FNIP1: variants seen among roughly 807,000 people sequenced by gnomAD.
FNIP1 encodes folliculin-interacting protein 1.
FNIP1 carries 40 observed loss-of-function variants against 124.5 expected under a neutral mutation model. The ratio of observed to expected loss-of-function variants is 0.32; its 90% CI spans 0.25 to 0.42. The LOEUF is 0.42. FNIP1 is among the 10% of genes least tolerant of loss of function. The pLI is 1.00. For missense variants in FNIP1, 1,176 were observed against 1,403.7 expected, an observed-to-expected ratio of 0.84 and a Z score of 2.59; for synonymous variants, 472 against 470.6, an observed-to-expected ratio of 1.00 and a Z score of -0.04.
At chr5:131,711,709 T>C (rs2149537418) in intron 6 of FNIP1, among the ~76,000 whole-genome samples, 1 of 152,332 alleles carries the variant, frequency 6.6e-6, no homozygotes, top group Non-Finnish European at 1.5e-5. Context: ...ATTGCCAAGT[T>C]GATCTCAAAT....
At chr5:131,745,338 GT>G (rs1222375596) in intron 1 of FNIP1, among the ~76,000 whole-genome samples, 9 of 152,170 alleles carry the variant, frequency 5.9e-5, no homozygotes, top group African/African-American at 2.2e-4. Flanking sequence ...GGACAACATA[GT>G]GAGACCCTGT....
chr5:131,690,357 C>T (rs1473984253), intron 11 of FNIP1, among the ~76,000 whole-genome samples: 1 of 152,190 alleles, frequency 6.6e-6, no homozygotes, highest in East Asian at 1.9e-4. Flanking sequence ...ACCCAAATCT[C>T]ATCTTGAATT....
Position 131,672,179 on chromosome 5 carries a change from A to T in FNIP1, c.2265T>A (p.Ile755=), listed in dbSNP as rs1279730311. The T allele has an allele frequency of 6.2e-7, 1 of 1,614,214 alleles. No individual in the cohort carries two copies. Among genetic ancestry groups the T allele is most frequent in the South Asian group, 1.1e-5 (1 of 91,086 alleles). The stretch of plus-strand genomic sequence containing the variant: ...CTGAATCAGGTGACATAGAATCCCC[A>T]ATCAGGAAAGTAACCTTTGTCTGGG... The part of the protein sequence containing the change: ...EAAQTKVTFL[I]GDSMSPDSDT... The change falls in exon 14 of 18, where the codon ATT becomes ATA. Residue 755 remains isoleucine (I), a synonymous_variant. Coordinates refer to ENST00000510461, the MANE Select transcript of FNIP1 (RefSeq NM_133372.3).
chr5:131,676,811 G>C (rs1001385111), intron 13 of FNIP1, among the ~76,000 whole-genome samples: 8 of 152,128 alleles, frequency 5.3e-5, no homozygotes, highest in African/African-American at 9.7e-5. Flanking sequence ...GGAAGGGAAT[G>C]GGGGAGGGAA....
chr5:131,643,459 C>T lies in FNIP1; in HGVS notation c.*1226G>A, dbSNP rs1446448525. ...AAAGAATAAACTATAATGTAGTACT[C>T]AAGTAAACTGAGGTAGTAGAAAGTA... On this transcript the variant is annotated 3_prime_UTR_variant, in exon 18 of 18. Transcript: ENST00000510461. 1 of 152,654 alleles carries T rather than the reference C, an allele frequency of 6.6e-6. No homozygotes were observed. The highest frequency in any genetic ancestry group is 2.4e-5 in the African/African-American group (1 of 41,420). The allele number at this position is 152,654 out of a possible 1,614,324, so 9.5% of individuals were successfully genotyped here.
chr5:131,685,448 C>CTTT lies in FNIP1; in HGVS notation c.1203-6276_1203-6274dup, dbSNP rs368323566. Among the ~76,000 whole-genome samples, 66 of 126,040 alleles carry CTTT rather than the reference C, an allele frequency of 5.2e-4. 1 individual carries two copies. The highest frequency in any genetic ancestry group is 9.1e-4 in the East Asian group (4 of 4,378). The allele number at this position is 126,040 out of a possible 152,430, so 82.7% of individuals were successfully genotyped here. A position where few individuals can be genotyped will look rare whatever the true frequency, so the allele number is the denominator to read the frequency against. ...CAGGGGAAGCAAAACCCTTAAGAATCTTTTTTTTTTTTTTTTTTGAGATGG... is the reference window on the plus strand; with the variant it reads ...CAGGGGAAGCAAAACCCTTAAGAATCTTTTTTTTTTTTTTTTTTTTTGAGATGG... On this transcript the variant is annotated intron_variant, in intron 11 of 17. Coordinates refer to ENST00000510461, the MANE Select transcript of FNIP1 (RefSeq NM_133372.3).
At chr5:131,667,316 T>C (rs1470125910) in intron 15 of FNIP1, among the ~76,000 whole-genome samples, 4 of 152,236 alleles carry the variant, frequency 2.6e-5, no homozygotes, top group African/African-American at 9.6e-5. Context: ...AATATTTATT[T>C]GATTGGTATT....
Position 131,644,497 on chromosome 5 carries a change from A to G in FNIP1, c.*188T>C. On this transcript the variant is annotated 3_prime_UTR_variant, in exon 18 of 18. Coordinates refer to ENST00000510461, the MANE Select transcript of FNIP1 (RefSeq NM_133372.3). ...TTGTTTAAAAATCTACCACCACCCA[A>G]AAGTCCAGTCAAAAAGAAAAAGCCA... 1 of 441,122 alleles carries G rather than the reference A, an allele frequency of 2.3e-6. No individual in the cohort carries two copies. 27.3% of individuals were successfully genotyped at this position (441,122 alleles called of 1,614,324 possible). A position where few individuals can be genotyped will look rare whatever the true frequency, so the allele number is the denominator to read the frequency against.
chr5:131,748,387 A>G (rs1378406153), intron 1 of FNIP1, among the ~76,000 whole-genome samples: 1 of 152,124 alleles, frequency 6.6e-6, no homozygotes, highest in Admixed American at 6.5e-5. Flanking sequence ...AAAATACGCA[A>G]TACTTGATAA....
At chr5:131,773,182 G>T (rs139398248) in intron 1 of FNIP1, among the ~76,000 whole-genome samples, 2 of 152,122 alleles carry the variant, frequency 1.3e-5, no homozygotes. Context: ...TCTAACAGAA[G>T]TAATCTCCCA....
chr5:131,688,604 T>C (rs1224080657), intron 11 of FNIP1, among the ~76,000 whole-genome samples: 3 of 151,118 alleles, frequency 2.0e-5, no homozygotes, highest in Admixed American at 2.0e-4. Flanking sequence ...TATATGATTA[T>C]TGTTGCTCTG....
At position 131,667,573 on chromosome 5, in the gene FNIP1, TTTTGTTTGTTTG is replaced by T. The variant is rs35498280; in HGVS notation, c.3108+2878_3108+2889del. The stretch of plus-strand genomic sequence containing the variant: ...CACTTGGCTTTCTTCACTTCTGTTT[TTTTGTTTGTTTG>T]TTTGTTTGTTTGTTTGTTTTGAAAT... On this transcript the variant is annotated intron_variant, in intron 15 of 17. Transcript: ENST00000510461. Among the ~76,000 whole-genome samples, 106 of 150,944 alleles carry T rather than the reference TTTTGTTTGTTTG, an allele frequency of 7.0e-4. 1 individual carries two copies. In the East Asian group the frequency reaches 0.011, roughly 15 times the overall value.
At chr5:131,791,791 C>T (rs1772413146) in intron 1 of FNIP1, among the ~76,000 whole-genome samples, 2 of 151,870 alleles carry the variant, frequency 1.3e-5, no homozygotes, top group African/African-American at 2.4e-5. Flanking sequence ...GGAATATGGA[C>T]TAAGAATGGC....
At chr5:131,720,544 G>A (rs1305686443) in intron 3 of FNIP1, among the ~76,000 whole-genome samples, 3 of 151,942 alleles carry the variant, frequency 2.0e-5, no homozygotes, top group Non-Finnish European at 4.4e-5. Flanking sequence ...ATAATCAAGA[G>A]GGCAAAAAGA....
intron 12 of FNIP1, 93 bp from the exon 13 acceptor site, chr5:131,677,965 G>C: frequency 7.7e-7 from 1 of 1,299,926 alleles, no homozygotes. Flanking sequence ...GAGTATATAT[G>C]TTCATGTGGC....
At position 131,735,553 on chromosome 5, in the gene FNIP1, C is replaced by T. The variant is rs10078640; in HGVS notation, c.220-4515G>A. Among the ~76,000 whole-genome samples, 5 of 147,414 alleles carry T rather than the reference C, an allele frequency of 3.4e-5. No homozygotes were observed. In the Admixed American group the frequency reaches 3.4e-4, roughly 10 times the overall value. ...ATACGTATTTATATACATGTATATA[C>T]ATATACACATATTTATATATGTATA... On this transcript the variant is annotated intron_variant, in intron 2 of 17. Transcript: ENST00000510461.
chr5:131,792,925 A>T (rs1452743050), intron 1 of FNIP1, among the ~76,000 whole-genome samples: 1 of 152,248 alleles, frequency 6.6e-6, no homozygotes, highest in Admixed American at 6.5e-5. Context: ...CAACCTGTAT[A>T]ACAAAAATCC....
At chr5:131,645,431 T>C (rs1049988981) in intron 17 of FNIP1, among the ~76,000 whole-genome samples, 3 of 152,070 alleles carry the variant, frequency 2.0e-5, no homozygotes, top group African/African-American at 7.2e-5. Flanking sequence ...ACCACAAATT[T>C]ATAGGAAAAG....
chr5:131,750,667 C>T (rs1157999276), intron 1 of FNIP1, among the ~76,000 whole-genome samples: 2 of 149,726 alleles, frequency 1.3e-5, no homozygotes, highest in East Asian at 3.9e-4. Context: ...GGCTGGGGTG[C>T]AGTAGCATGA....
Sources: gnomAD v4.1 joint callset for allele counts (sites outside exome capture counted in the v4.1 genomes callset) on GRCh38, gnomAD v4.1.1 for gene constraint, MANE v1.5 for transcripts, NCBI Gene and HGNC (gene_info 2026-07-23, HGNC 2026-07-21) for gene names.